The following FAM193A variants were observed in gnomAD, a reference collection of about 807,000 sequenced individuals.
FAM193A encodes family with sequence similarity 193 member A.
A neutral mutation model predicts 126.5 loss-of-function variants in FAM193A; 22 were observed. The observed-to-expected ratio is 0.17, with a 90% CI of 0.12 to 0.25. The LOEUF (loss-of-function observed/expected upper bound fraction) is 0.25, where lower values mean the gene tolerates loss of function less well. Among genes scored for constraint, FAM193A ranks in the 10% least tolerant of loss-of-function variants. The probability of loss-of-function intolerance (pLI) is 1.00; values close to 1 mark genes in which losing one functional copy is unlikely to be tolerated. For missense variants in FAM193A, 1,675 were observed against 1,672.8 expected, an observed-to-expected ratio of 1.00 and a Z score of -0.02; for synonymous variants, 761 against 646.8, an observed-to-expected ratio of 1.18 and a Z score of -2.68.
intron 6 of FAM193A, among the ~76,000 whole-genome samples, chr4:2,645,825 C>T (rs1230609869): frequency 1.3e-5 from 2 of 152,174 alleles, no homozygotes; most frequent in African/African-American, 2.4e-5. Context: ...CTGCACCTGA[C>T]CGCCGTCTTT....
At chr4:2,621,199 T>G (rs1207227769) in intron 2 of FAM193A, among the ~76,000 whole-genome samples, 3 of 152,108 alleles carry the variant, frequency 2.0e-5, no homozygotes, top group Non-Finnish European at 4.4e-5. Flanking sequence ...ACCGTCCCTG[T>G]AGTACCCTCC....
At chr4:2,623,634 G>A (rs566746040) in intron 2 of FAM193A, among the ~76,000 whole-genome samples, 2 of 152,300 alleles carry the variant, frequency 1.3e-5, no homozygotes, top group South Asian at 4.1e-4. Flanking sequence ...GCAGACTGGG[G>A]TAGTGCAAGC....
chr4:2,657,658 T>C (rs1191999992), intron 7 of FAM193A, 145 bp from the exon 8 acceptor site: 7 of 572,572 alleles, frequency 1.2e-5, no homozygotes, highest in Non-Finnish European at 2.1e-5. Context: ...AACATATTTG[T>C]AGTATTGTAT....
rs997831334 is a variant in FAM193A at position 2,727,423 on chromosome 4, GTC to G, written c.4455-4347_4455-4346del. On this transcript the variant is annotated intron_variant, in intron 20 of 20. Transcript: ENST00000637812. ...TTTATTTATTATTTTTTGAGACACA[GTC>G]TCTCACTCTGTCATCCAGGGAATTA... is the stretch of plus-strand genomic sequence containing the variant. Among the ~76,000 whole-genome samples the G allele has an allele frequency of 2.6e-5, 4 of 152,274 alleles. No homozygotes were observed. The East Asian group carries it at 5.8e-4, about 22-fold the overall frequency.
chr4:2,619,813 C>G (rs1742433220), intron 2 of FAM193A, among the ~76,000 whole-genome samples: 4 of 152,192 alleles, frequency 2.6e-5, no homozygotes, highest in Admixed American at 2.0e-4. Context: ...GCCTCAACCT[C>G]TCGAGTGGCT....
chr4:2,652,094 G>A (rs1012750970), intron 7 of FAM193A, among the ~76,000 whole-genome samples: 7 of 152,146 alleles, frequency 4.6e-5, no homozygotes, highest in Non-Finnish European at 7.4e-5. Flanking sequence ...GGGGCTGGTG[G>A]CCTCTGTGCC....
At chr4:2,573,768 C>T (rs906523016) in intron 1 of FAM193A, among the ~76,000 whole-genome samples, 1 of 152,088 alleles carries the variant, frequency 6.6e-6, no homozygotes, top group African/African-American at 2.4e-5. Flanking sequence ...AAGCCTGTCC[C>T]GTGGCGGGAA....
chr4:2,689,466 T>C lies in FAM193A; in HGVS notation c.2332-40T>C. The C allele has an allele frequency of 2.8e-6, 4 of 1,438,722 alleles. No homozygotes were observed. The South Asian group carries it at 5.2e-5, about 19-fold the overall frequency. 89.1% of individuals were successfully genotyped at this position (1,438,722 alleles called of 1,614,324 possible). On this transcript the variant is annotated intron_variant, in intron 13 of 20. Transcript: ENST00000637812. ...TAACTACTTACCTAGGTAAACAGAA[T>C]ATTAATTTTGATATGTGATTAGAAA...
intron 1 of FAM193A, among the ~76,000 whole-genome samples, chr4:2,564,655 G>A (rs1738826706): frequency 6.6e-6 from 1 of 152,080 alleles, no homozygotes; most frequent in African/African-American, 2.4e-5. Flanking sequence ...GAAACAATAT[G>A]GCAACAAAAG....
intron 1 of FAM193A, among the ~76,000 whole-genome samples, chr4:2,566,677 G>C (rs1273063329): frequency 1.3e-5 from 2 of 151,990 alleles, no homozygotes; most frequent in Non-Finnish European, 2.9e-5. Flanking sequence ...GACAGAGTGA[G>C]ACTCTGTCTC....
chr4:2,694,458 G>C (rs1716802579), intron 16 of FAM193A, among the ~76,000 whole-genome samples: 1 of 151,864 alleles, frequency 6.6e-6, no homozygotes, highest in Non-Finnish European at 1.5e-5. Context: ...TAGTAGAGAT[G>C]GGGTTTCACC....
chr4:2,689,388 G>A (rs1404992874), intron 13 of FAM193A, 118 bp from the exon 14 acceptor site: 1 of 690,188 alleles, frequency 1.4e-6, no homozygotes, highest in Non-Finnish European at 2.3e-6. Context: ...GCTGAGCTCA[G>A]CTCATGGCGA....
At chr4:2,709,176 C>T (rs1718647395) in intron 19 of FAM193A, among the ~76,000 whole-genome samples, 1 of 152,052 alleles carries the variant, frequency 6.6e-6, no homozygotes, top group Non-Finnish European at 1.5e-5. Flanking sequence ...GATGTTTCTC[C>T]TTAGATGTAT....
intron 2 of FAM193A, among the ~76,000 whole-genome samples, chr4:2,617,427 G>A (rs998205303): frequency 1.2e-4 from 18 of 148,988 alleles, no homozygotes; most frequent in South Asian, 2.1e-4. Flanking sequence ...CACCGCACCT[G>A]GCTAATTTTT....
chr4:2,629,850 G>A (rs1304071815), intron 4 of FAM193A, among the ~76,000 whole-genome samples: 2 of 152,048 alleles, frequency 1.3e-5, no homozygotes, highest in Admixed American at 6.6e-5. Flanking sequence ...GTGCATTATC[G>A]GCCGGGTGCG....
At chr4:2,563,537 A>G (rs1049307436) in intron 1 of FAM193A, among the ~76,000 whole-genome samples, 11 of 142,152 alleles carry the variant, frequency 7.7e-5, no homozygotes, top group South Asian at 2.2e-4. Flanking sequence ...AAAAAAAACA[A>G]AAAAAAAAAC....
In FAM193A at chr4:2,542,049, T is replaced by C. The variant is rs964657916; in HGVS notation, c.255+4879T>C. ...TTTTTTTTTCAAGACAGAGTCTCAC[T>C]GCGTCACCCCAGCTGGCGTACAGTG... On this transcript the variant is annotated intron_variant, in intron 1 of 20. Transcript: ENST00000637812. Among the ~76,000 whole-genome samples, 6 of 151,072 alleles carry C rather than the reference T, an allele frequency of 4.0e-5. No individual in the cohort carries two copies. In the Admixed American group the frequency reaches 4.0e-4, roughly 10 times the overall value.
Position 2,704,192 on chromosome 4 carries a change from G to A in FAM193A, c.4372+3648G>A, listed in dbSNP as rs541827578. ...GCAGGATAATTGCTTGAACTGGGGA[G>A]GTGGAGGTTGCAGTGAGCCGAGATC... On this transcript the variant is annotated intron_variant, in intron 19 of 20. Transcript: ENST00000637812. Among the ~76,000 whole-genome samples, 23 of 150,832 alleles carry A rather than the reference G, an allele frequency of 1.5e-4. No individual in the cohort carries two copies. In the South Asian group the frequency reaches 3.6e-3, roughly 23 times the overall value.
chr4:2,576,058 A>G (rs1034102764), intron 1 of FAM193A, among the ~76,000 whole-genome samples: 3 of 152,182 alleles, frequency 2.0e-5, no homozygotes, highest in Admixed American at 2.0e-4. Flanking sequence ...TGATTTAAGC[A>G]GTAATACCGG....
Sources: gnomAD v4.1 joint callset for allele counts (sites outside exome capture counted in the v4.1 genomes callset) on GRCh38, gnomAD v4.1.1 for gene constraint, MANE v1.5 for transcripts, NCBI Gene and HGNC (gene_info 2026-07-23, HGNC 2026-07-21) for gene names.